The following GCNT1 variants were observed in gnomAD, a reference collection of about 807,000 sequenced individuals.
GCNT1 encodes beta-1,3-galactosyl-O-glycosyl-glycoprotein beta-1,6-N-acetylglucosaminyltransferase.
A neutral mutation model predicts 26.2 loss-of-function variants in GCNT1; 16 were observed. The ratio of observed to expected loss-of-function variants is 0.61; its 90% confidence interval spans 0.41 to 0.93. The LOEUF (loss-of-function observed/expected upper bound fraction) is 0.93, where lower values mean the gene tolerates loss of function less well. GCNT1 is among the 40% of genes least tolerant of loss of function. The pLI is 0.00. For synonymous variants in GCNT1, 183 were observed against 190.8 expected, an observed-to-expected ratio of 0.96 and a Z score of 0.34; for missense variants, 477 against 526.7, an observed-to-expected ratio of 0.91 and a Z score of 0.92.
chr9:76,484,287 GGATCC>G (rs2131620252), intron 2 of GCNT1, among the ~76,000 whole-genome samples: 1 of 151,716 alleles, frequency 6.6e-6, no homozygotes, highest in East Asian at 1.9e-4. Context: ...TAAGGTGGAA[GGATCC>G]CCAGGAGTTT....
intron 1 of GCNT1, among the ~76,000 whole-genome samples, chr9:76,423,899 G>A (rs1282841521): frequency 1.3e-5 from 2 of 152,182 alleles, no homozygotes; most frequent in Non-Finnish European, 2.9e-5. Context: ...TAGATCAAAG[G>A]CTTGCTTTTC....
chr9:76,454,734 A>G (rs1488892158), upstream of GCNT1, among the ~76,000 whole-genome samples: 1 of 151,408 alleles, frequency 6.6e-6, no homozygotes, highest in East Asian at 1.9e-4. Flanking sequence ...GCTCTCTCTC[A>G]TCTGCCGCCG....
the GCNT1 span, chr9:76,399,463 C>T: frequency 8.9e-6 from 14 of 1,578,992 alleles, no homozygotes; most frequent in Non-Finnish European, 1.2e-5. Flanking sequence ...TACAGGTGCC[C>T]TCTGTGCCTA....
rs563616209 is a variant in GCNT1 at position 76,484,967 on chromosome 9, T to C, written c.-289-15949T>C. On this transcript the variant is annotated intron_variant, in intron 2 of 3. Coordinates refer to ENST00000376730, the MANE Select transcript of GCNT1 (RefSeq NM_001490.5). ...CCACACCCAGCTAATTTTTGTATTT[T>C]TAGTAAACACGGGGTTTCACCATGT... Among the ~76,000 whole-genome samples the C allele has an allele frequency of 7.4e-4, 112 of 152,104 alleles. 1 individual carries two copies. The highest frequency in any genetic ancestry group is 5.7e-3 in the Admixed American group (87 of 15,260).
At chr9:76,399,689 C>A in the GCNT1 span, 1 of 673,996 alleles carries the variant, frequency 1.5e-6, no homozygotes. Flanking sequence ...TACCCCAATC[C>A]ATTTTTACCC....
chr9:76,482,811 A>ATTTTT (rs56267257), intron 2 of GCNT1, among the ~76,000 whole-genome samples: 2 of 115,882 alleles, frequency 1.7e-5, no homozygotes, highest in African/African-American at 3.3e-5. Flanking sequence ...CACCGGGCTA[A>ATTTTT]TTTTTTTTTT....
intron 1 of GCNT1, among the ~76,000 whole-genome samples, chr9:76,428,265 CA>C (rs869195487): frequency 0.031 from 934 of 29,706 alleles, 1 homozygote; most frequent in African/African-American, 0.085. Flanking sequence ...GACTCCGTCT[CA>C]AAAAAAAAAA....
At chr9:76,426,560 C>T (rs775728613) in intron 1 of GCNT1, among the ~76,000 whole-genome samples, 2 of 150,972 alleles carry the variant, frequency 1.3e-5, no homozygotes, top group Non-Finnish European at 2.9e-5. Flanking sequence ...AGAGAGAGAT[C>T]GTGTCTCAAA....
At position 76,464,366 on chromosome 9, in the gene GCNT1, G is replaced by A. The variant is rs537914220; in HGVS notation, c.-290+4189G>A. ...TGAGTAGCTGGGACTACAGGCACAC[G>A]CCACTATGCCTGAGTAATTTTTGTA... is the stretch of plus-strand genomic sequence containing the variant. On this transcript the variant is annotated intron_variant, in intron 2 of 3. Coordinates refer to ENST00000376730, the MANE Select transcript of GCNT1 (RefSeq NM_001490.5). Among the ~76,000 whole-genome samples, 41 of 152,092 alleles carry A rather than the reference G, an allele frequency of 2.7e-4. 1 individual carries two copies. In the South Asian group the frequency reaches 7.3e-3, roughly 27 times the overall value.
chr9:76,443,938 G>A (rs202176218), intron 1 of GCNT1, among the ~76,000 whole-genome samples: 4,420 of 55,232 alleles, frequency 0.08, 91 homozygotes, highest in African/African-American at 0.12. Flanking sequence ...AGAAAGGAAG[G>A]AAGGAAGGAA....
intron 2 of GCNT1, among the ~76,000 whole-genome samples, chr9:76,487,677 TTTC>T (rs377733407): frequency 0.011 from 1,615 of 152,304 alleles, 17 homozygotes; most frequent in Non-Finnish European, 0.018. Flanking sequence ...TTCTCTTTTT[TTTC>T]TTCTTCGGTT....
chr9:76,504,070 G>A lies in GCNT1; in HGVS notation c.*402G>A, dbSNP rs1001812314. The A allele has an allele frequency of 4.8e-5, 10 of 208,564 alleles. No individual in the cohort carries two copies. The highest frequency in any genetic ancestry group is 1.1e-4 in the Non-Finnish European group (10 of 92,364). The allele number at this position is 208,564 out of a possible 1,614,324, so 12.9% of individuals were successfully genotyped here. On this transcript the variant is annotated 3_prime_UTR_variant, in exon 4 of 4. Coordinates refer to ENST00000376730, the MANE Select transcript of GCNT1 (RefSeq NM_001490.5). ...GAATTTTAAATGTGACCATTTTTCT[G>A]GTATGAATAAACTTACAGCAACAAA...
intron 2 of GCNT1, among the ~76,000 whole-genome samples, chr9:76,489,065 C>G (rs1448336927): frequency 2.0e-5 from 3 of 152,148 alleles, no homozygotes; most frequent in Non-Finnish European, 4.4e-5. Flanking sequence ...GCTGGGATTA[C>G]TTGAAAACAG....
chr9:76,478,618 C>T (rs1032805812), intron 2 of GCNT1, among the ~76,000 whole-genome samples: 3 of 152,226 alleles, frequency 2.0e-5, no homozygotes, highest in African/African-American at 7.2e-5. Flanking sequence ...CTTGAGTTAG[C>T]ATAATGCCTT....
chr9:76,446,597 A>G (rs1214109062), intron 1 of GCNT1, among the ~76,000 whole-genome samples: 1 of 152,216 alleles, frequency 6.6e-6, no homozygotes, highest in Non-Finnish European at 1.5e-5. Context: ...TATGTTTTAT[A>G]TATGTGTGAA....
chr9:76,468,420 G>A (rs1451864383), intron 2 of GCNT1, among the ~76,000 whole-genome samples: 1 of 152,178 alleles, frequency 6.6e-6, no homozygotes, highest in Non-Finnish European at 1.5e-5. Flanking sequence ...CGGGTGATAG[G>A]TGTACTGAGA....
intron 2 of GCNT1, among the ~76,000 whole-genome samples, chr9:76,464,525 GT>G (rs934723704): frequency 1.3e-5 from 2 of 152,152 alleles, no homozygotes; most frequent in Non-Finnish European, 2.9e-5. Flanking sequence ...CCACTAAAGT[GT>G]TTTTGATTTG....
chr9:76,421,686 GTTGTTTTTTTTTT>G lies in GCNT1; in HGVS notation n.38+1802_38+1814del, dbSNP rs1327799307. On this transcript the variant is annotated intron_variant and non_coding_transcript_variant, in intron 1 of 3. Transcript: ENST00000488136. ...TGATGGCAACTCAATTTGTTTGTAG[GTTGTTTTTTTTTT>G]TTTTTTTTTTTTTGGAAATGGTCTC... 1.3e-4 allele frequency among the ~76,000 whole-genome samples: 11 copies of G among 84,386 alleles called. 1 individual carries two copies. The highest frequency in any genetic ancestry group is 4.9e-4 in the African/African-American group (10 of 20,604). 55.4% of individuals were successfully genotyped at this position (84,386 alleles called of 152,430 possible).
At chr9:76,468,198 C>T (rs1824050849) in intron 2 of GCNT1, among the ~76,000 whole-genome samples, 1 of 152,108 alleles carries the variant, frequency 6.6e-6, no homozygotes, top group South Asian at 2.1e-4. Context: ...CGCGCCGACC[C>T]TCCTTCAGTC....
Sources: gnomAD v4.1 joint callset for allele counts (sites outside exome capture counted in the v4.1 genomes callset) on GRCh38, gnomAD v4.1.1 for gene constraint, MANE v1.5 for transcripts, NCBI Gene and HGNC (gene_info 2026-07-23, HGNC 2026-07-21) for gene names.